Variants in SPATA16 observed in about 807,000 individuals in gnomAD.
The protein encoded by SPATA16 is spermatogenesis-associated protein 16.
In SPATA16, 36 loss-of-function variants were observed where a neutral mutation model predicts 63.3. That is an observed-to-expected ratio of 0.57 (90% CI 0.44 to 0.75). The LOEUF (loss-of-function observed/expected upper bound fraction) is 0.75, where lower values mean the gene tolerates loss of function less well. Ranked by LOEUF, SPATA16 falls within the 30% of genes least tolerant of loss-of-function variation. The pLI, the probability that SPATA16 is intolerant of heterozygous loss-of-function variation, is 0.00. For missense variants in SPATA16, 646 were observed against 679.3 expected (o/e 0.95, Z 0.54); for synonymous variants, 203 against 216.7 (o/e 0.94, Z 0.56).
intron 2 of SPATA16, among the ~76,000 whole-genome samples, chr3:173,055,073 AC>A (rs1284764362): frequency 6.6e-6 from 1 of 152,240 alleles, no homozygotes; most frequent in Non-Finnish European, 1.5e-5. Flanking sequence ...GCAAATTGAA[AC>A]TACAATGAGG....
chr3:172,917,277 C>T (rs540460591), intron 8 of SPATA16, among the ~76,000 whole-genome samples: 48 of 152,194 alleles, frequency 3.2e-4, no homozygotes, highest in African/African-American at 1.1e-3. Flanking sequence ...GGAGAGGCAA[C>T]GTTAGTCATG....
intron 2 of SPATA16, among the ~76,000 whole-genome samples, chr3:173,099,119 T>A (rs1023298059): frequency 6.6e-6 from 1 of 152,058 alleles, no homozygotes; most frequent in Non-Finnish European, 1.5e-5. Context: ...CATCAGAAGG[T>A]CAATAGTAGC....
intron 8 of SPATA16, among the ~76,000 whole-genome samples, chr3:172,919,253 A>T (rs1227494026): frequency 6.6e-6 from 1 of 152,218 alleles, no homozygotes. Context: ...AAGTTAATGA[A>T]TGGAAAAGTA....
At chr3:173,053,511 G>T (rs184889179) in intron 2 of SPATA16, among the ~76,000 whole-genome samples, 3 of 152,142 alleles carry the variant, frequency 2.0e-5, no homozygotes, top group Admixed American at 2.0e-4. Context: ...GTGCACAAAA[G>T]GATTTCAAGA....
chr3:172,940,076 G>T (rs913661955), intron 6 of SPATA16, among the ~76,000 whole-genome samples: 1 of 152,152 alleles, frequency 6.6e-6, no homozygotes, highest in Non-Finnish European at 1.5e-5. Context: ...ACCAAAGAGG[G>T]CCTGGAGGCT....
chr3:172,956,638 CAA>C (rs1733601709), intron 6 of SPATA16, 37 bp downstream of exon 6: 1 of 1,600,444 alleles, frequency 6.2e-7, no homozygotes, highest in Non-Finnish European at 8.5e-7. Flanking sequence ...TTATTTGAAA[CAA>C]AATATCAGCT....
chr3:173,067,744 A>G (rs953434379), intron 2 of SPATA16, among the ~76,000 whole-genome samples: 3 of 152,202 alleles, frequency 2.0e-5, no homozygotes, highest in African/African-American at 7.2e-5. Context: ...GAAAGACATG[A>G]ATGTCCAGGT....
chr3:173,030,446 A>G (rs1735578708), intron 3 of SPATA16, among the ~76,000 whole-genome samples: 1 of 152,090 alleles, frequency 6.6e-6, no homozygotes, highest in African/African-American at 2.4e-5. Context: ...TCCAAAGGTG[A>G]TATACCAAGG....
chr3:172,930,785 C>T (rs1219489796), intron 6 of SPATA16, among the ~76,000 whole-genome samples: 1 of 151,928 alleles, frequency 6.6e-6, no homozygotes, highest in Non-Finnish European at 1.5e-5. Context: ...ATCTCCTGAC[C>T]TCGTGATCCA....
intron 3 of SPATA16, among the ~76,000 whole-genome samples, chr3:173,036,878 A>G (rs2108287279): frequency 6.6e-6 from 1 of 152,096 alleles, no homozygotes; most frequent in Non-Finnish European, 1.5e-5. Context: ...TTTTCATAAA[A>G]TATTTAACAT....
At chr3:172,996,180 TTG>T (rs1274574489) in intron 4 of SPATA16, among the ~76,000 whole-genome samples, 2 of 152,268 alleles carry the variant, frequency 1.3e-5, no homozygotes, top group East Asian at 3.9e-4. Context: ...AAAAGTGATG[TTG>T]TGTCTTCGTT....
At chr3:172,891,346 G>T (rs112652529) in intron 10 of SPATA16, among the ~76,000 whole-genome samples, 2,302 of 152,228 alleles carry the variant, frequency 0.015, 49 homozygotes, top group African/African-American at 0.052. Context: ...GAGTAATGGG[G>T]TTGCATTTTA....
intron 3 of SPATA16, among the ~76,000 whole-genome samples, chr3:173,037,174 G>T (rs1003400988): frequency 6.6e-6 from 1 of 152,038 alleles, no homozygotes; most frequent in Non-Finnish European, 1.5e-5. Flanking sequence ...CATGGAACAT[G>T]CTTGTTGGTT....
chr3:173,100,355 G>A (rs2108325071), intron 2 of SPATA16, among the ~76,000 whole-genome samples: 1 of 152,038 alleles, frequency 6.6e-6, no homozygotes, highest in Non-Finnish European at 1.5e-5. Flanking sequence ...AAACCAGCTT[G>A]GGTATATTTT....
At chr3:172,937,542 C>T (rs970788650) in intron 6 of SPATA16, among the ~76,000 whole-genome samples, 5 of 152,148 alleles carry the variant, frequency 3.3e-5, no homozygotes, top group African/African-American at 7.2e-5. Context: ...AGCTGAACTT[C>T]AGTCACTAGC....
chr3:173,112,045 AT>A (rs1455625240), intron 2 of SPATA16, among the ~76,000 whole-genome samples: 1 of 152,104 alleles, frequency 6.6e-6, no homozygotes, highest in Admixed American at 6.5e-5. Flanking sequence ...ACTGCTCCAT[AT>A]TTTATGATTC....
intron 2 of SPATA16, among the ~76,000 whole-genome samples, chr3:173,061,968 G>T (rs1736390458): frequency 6.6e-6 from 1 of 151,892 alleles, no homozygotes; most frequent in Admixed American, 6.6e-5. Flanking sequence ...TACTCCCTGA[G>T]TGACAAGCTA....
intron 3 of SPATA16, among the ~76,000 whole-genome samples, chr3:173,028,390 T>G (rs922629763): frequency 7.2e-5 from 11 of 151,906 alleles, no homozygotes; most frequent in African/African-American, 2.2e-4. Flanking sequence ...GCTATGTAAG[T>G]ATGATCTGTG....
intron 1 of SPATA16, among the ~76,000 whole-genome samples, chr3:173,140,293 A>G (rs1001719818): frequency 5.3e-5 from 8 of 152,194 alleles, no homozygotes; most frequent in African/African-American, 7.2e-5. Context: ...TAAAAATGGT[A>G]AACACTTCCC....
Sources: allele counts gnomAD v4.1 joint callset (sites outside exome capture counted in the v4.1 genomes callset), GRCh38; gene constraint gnomAD v4.1.1; transcripts MANE v1.5; gene names NCBI Gene and HGNC (gene_info 2026-07-23, HGNC 2026-07-21).